CMKLR2: variants seen among roughly 807,000 people sequenced by gnomAD.
CMKLR2 encodes chemerin chemokine-like receptor 2.
Under a neutral mutation model 23.0 loss-of-function variants are expected in CMKLR2, and 18 were observed. That is an observed-to-expected ratio of 0.78 (90% CI 0.54 to 1.16). CMKLR2 has a LOEUF of 1.16. CMKLR2 is among the 50% of genes most tolerant of loss of function. CMKLR2 has a pLI of 0.00. For synonymous variants in CMKLR2, 158 were observed against 158.9 expected (o/e 0.99, Z 0.05); for missense variants, 401 against 412.7 (o/e 0.97, Z 0.25).
In CMKLR2 at chr2:206,176,388, G is replaced by A; in HGVS notation, c.860C>T (p.Pro287Leu). Residue 287 changes from proline (P) to leucine (L), a missense_variant, in exon 2 of 2, where the codon CCC becomes CTC. By Grantham distance (98) the Pro-to-Leu change is moderately conservative. Coordinates refer to ENST00000621141, the MANE Select transcript of CMKLR2 (RefSeq NM_001389445.1). Reference protein sequence around the residue: ...YSHHVMQAGIPLSTGLAFLNS... With the variant: ...YSHHVMQAGILLSTGLAFLNS... ...GAGGAATGCCAAACCAGTGGAGAGG[G>A]GGATTCCAGCCTGCATCACATGGTG... 1 of 1,614,144 alleles carries A rather than the reference G, an allele frequency of 6.2e-7. No individual in the cohort carries two copies. Among genetic ancestry groups the A allele is most frequent in the Non-Finnish European group, 8.5e-7 (1 of 1,180,036 alleles).
At chr2:206,212,388 G>A (rs1689601935) in intron 1 of CMKLR2, among the ~76,000 whole-genome samples, 1 of 62,926 alleles carries the variant, frequency 1.6e-5, no homozygotes, top group Admixed American at 1.3e-4. Flanking sequence ...AGGTCCCTTG[G>A]CCTTTTTTTT....
chr2:206,176,861 T>A lies in CMKLR2; in HGVS notation c.387A>T (p.Thr129=), dbSNP rs1386392705. 2 of 1,614,134 alleles carry A rather than the reference T, an allele frequency of 1.2e-6. No individual in the cohort carries two copies. The highest frequency in any genetic ancestry group is 2.2e-5 in the East Asian group (1 of 44,880). Residue 129 remains threonine (T), a synonymous_variant, in exon 2 of 2, where the codon ACA becomes ACT. Coordinates refer to ENST00000621141, the MANE Select transcript of CMKLR2 (RefSeq NM_001389445.1). ...LNMFASVFFL[T]VISLDHYIHL... ...GGATATAGTGGTCCAGGCTGATCAC[T>A]GTCAGGAAAAAAACACTGGCAAACA...
intron 1 of CMKLR2, among the ~76,000 whole-genome samples, chr2:206,187,285 A>C (rs1688610701): frequency 6.6e-6 from 1 of 152,164 alleles, no homozygotes; most frequent in African/African-American, 2.4e-5. Context: ...ACTCCATCTC[A>C]AAAAATAAAA....
chr2:206,216,669 A>G (rs553167099), upstream of CMKLR2, among the ~76,000 whole-genome samples: 23 of 152,330 alleles, frequency 1.5e-4, no homozygotes, highest in Admixed American at 1.4e-3. Context: ...TGCCGCTATC[A>G]TATTATTCTG....
At chr2:206,193,162 G>A (rs1288380399) in intron 1 of CMKLR2, among the ~76,000 whole-genome samples, 1 of 152,008 alleles carries the variant, frequency 6.6e-6, no homozygotes, top group Non-Finnish European at 1.5e-5. Context: ...GCAATGGCAC[G>A]ATCTTGGCCC....
intron 1 of CMKLR2, among the ~76,000 whole-genome samples, chr2:206,197,531 C>G (rs994822129): frequency 6.6e-6 from 1 of 152,114 alleles, no homozygotes; most frequent in African/African-American, 2.4e-5. Flanking sequence ...CAACTAAACC[C>G]CTTTGTAGGG....
chr2:206,200,267 T>C (rs373473901), intron 1 of CMKLR2, among the ~76,000 whole-genome samples: 1 of 151,932 alleles, frequency 6.6e-6, no homozygotes, highest in South Asian at 2.1e-4. Flanking sequence ...CTACTAAAAA[T>C]ACAAAATTAG....
intron 1 of CMKLR2, among the ~76,000 whole-genome samples, chr2:206,188,431 A>T (rs1030979201): frequency 6.6e-6 from 1 of 152,216 alleles, no homozygotes; most frequent in South Asian, 2.1e-4. Flanking sequence ...GTCTTAAACC[A>T]TATGTGCTGC....
intron 1 of CMKLR2, among the ~76,000 whole-genome samples, chr2:206,204,485 A>C (rs1300555604): frequency 4.6e-5 from 7 of 151,946 alleles, no homozygotes; most frequent in Admixed American, 2.6e-4. Flanking sequence ...TCGGGCTTCT[A>C]GCTAATTTAA....
At chr2:206,210,081 A>T (rs957460514) in intron 1 of CMKLR2, among the ~76,000 whole-genome samples, 2 of 151,100 alleles carry the variant, frequency 1.3e-5, no homozygotes, top group African/African-American at 4.9e-5. Context: ...CTCGTGCCTC[A>T]GCCTCCCAAG....
At chr2:206,196,353 G>A (rs1371548794) in intron 1 of CMKLR2, among the ~76,000 whole-genome samples, 2 of 151,760 alleles carry the variant, frequency 1.3e-5, no homozygotes, top group African/African-American at 4.9e-5. Context: ...CAGCCTAGGC[G>A]ACAGTGAGAC....
At chr2:206,195,270 A>T (rs1462447638) in intron 1 of CMKLR2, among the ~76,000 whole-genome samples, 2 of 152,188 alleles carry the variant, frequency 1.3e-5, no homozygotes, top group Non-Finnish European at 2.9e-5. Flanking sequence ...ATGCTTAAGG[A>T]ACCAGTGAGA....
At chr2:206,213,745 G>A (rs1235350595), upstream of CMKLR2, 1 of 152,224 alleles carries the variant, frequency 6.6e-6, no homozygotes, top group Non-Finnish European at 1.5e-5. Context: ...TTCTTCGAAT[G>A]CATGGTATAA....
chr2:206,179,226 C>T (rs2105800050), intron 1 of CMKLR2, among the ~76,000 whole-genome samples: 1 of 148,446 alleles, frequency 6.7e-6, no homozygotes, highest in South Asian at 2.2e-4. Flanking sequence ...AGGCATGTGC[C>T]ACTACGCCCA....
In CMKLR2 at chr2:206,176,984, G is replaced by C. The variant is rs1559081609; in HGVS notation, c.264C>G (p.Leu88=). ...NLAIADFIFL[L]FLPLYISYVA... Reference sequence around the variant, plus strand: ...CATAGGAGATGTACAGGGGCAGAAAGAGAAGAAAAATGAAATCCGCAATGG... The same window carrying C: ...CATAGGAGATGTACAGGGGCAGAAACAGAAGAAAAATGAAATCCGCAATGG... The change falls in exon 2 of 2, where the codon CTC becomes CTG. Residue 88 remains leucine, a synonymous_variant. Coordinates refer to ENST00000621141, the MANE Select transcript of CMKLR2 (RefSeq NM_001389445.1). 1.2e-6 allele frequency: 2 copies of C among 1,614,236 alleles called. No individual in the cohort carries two copies. The highest frequency in any genetic ancestry group is 1.7e-6 in the Non-Finnish European group (2 of 1,180,040).
At chr2:206,200,764 G>A (rs1689069048) in intron 1 of CMKLR2, among the ~76,000 whole-genome samples, 2 of 152,070 alleles carry the variant, frequency 1.3e-5, no homozygotes, top group Admixed American at 1.3e-4. Flanking sequence ...TACCTAATAG[G>A]CAGTTTATTT....
At chr2:206,214,768 C>T (rs550864930), upstream of CMKLR2, among the ~76,000 whole-genome samples, 18 of 152,040 alleles carry the variant, frequency 1.2e-4, no homozygotes, top group South Asian at 1.2e-3. Context: ...GGACTGCAGG[C>T]GCCCGCCACC....
At chr2:206,193,362 G>T (rs182386397) in intron 1 of CMKLR2, among the ~76,000 whole-genome samples, 306 of 152,298 alleles carry the variant, frequency 2.0e-3, no homozygotes, top group African/African-American at 6.8e-3. Context: ...GCTTTTCAAG[G>T]TGCTGGGATT....
upstream of CMKLR2, among the ~76,000 whole-genome samples, chr2:206,214,902 G>T (rs1212032181): frequency 6.6e-6 from 1 of 152,148 alleles, no homozygotes; most frequent in Non-Finnish European, 1.5e-5. Flanking sequence ...TGGGATTACA[G>T]GTGTGAGCCA....
Sources: allele counts gnomAD v4.1 joint callset (sites outside exome capture counted in the v4.1 genomes callset), GRCh38; gene constraint gnomAD v4.1.1; transcripts MANE v1.5; gene names NCBI Gene and HGNC (gene_info 2026-07-23, HGNC 2026-07-21).